The following TENM2 variants were observed in gnomAD, a reference collection of about 807,000 sequenced individuals.
TENM2 encodes the protein teneurin-2.
TENM2 carries 52 observed loss-of-function variants against 245.2 expected under a neutral mutation model. The observed-to-expected ratio is 0.21, with a 90% confidence interval of 0.17 to 0.27. The LOEUF is 0.27. Ranked by LOEUF, TENM2 falls within the 10% of genes least tolerant of loss-of-function variation. TENM2 has a pLI of 1.00. For missense variants in TENM2, 3,046 were observed against 3,666.8 expected, an observed-to-expected ratio of 0.83 and a Z score of 4.37; for synonymous variants, 1,363 against 1,438.9, an observed-to-expected ratio of 0.95 and a Z score of 1.19.
the TENM2 span, among the ~76,000 whole-genome samples, chr5:167,184,079 CTCAAAAGAACAGATTACTTGGTGTTT>C: frequency 6.6e-6 from 1 of 152,174 alleles, no homozygotes; most frequent in Admixed American, 6.5e-5. Context: ...ACAAAATTCA[CTCAAAAGAACAGATTACTTGGTGTTT>C]TCAAAGAGAA....
chr5:167,422,018 C>G (rs564870335), intron 2 of TENM2, among the ~76,000 whole-genome samples: 1 of 152,280 alleles, frequency 6.6e-6, no homozygotes, highest in Admixed American at 6.5e-5. Context: ...TCTTGAACTC[C>G]TGACCTTGTG....
the TENM2 span, among the ~76,000 whole-genome samples, chr5:167,033,469 T>C: frequency 6.6e-6 from 1 of 152,200 alleles, no homozygotes; most frequent in Non-Finnish European, 1.5e-5. Flanking sequence ...TCTTCCTTAG[T>C]TATGAAGTTA....
intron 2 of TENM2, among the ~76,000 whole-genome samples, chr5:167,746,299 A>G (rs1215304131): frequency 6.6e-6 from 1 of 152,180 alleles, no homozygotes; most frequent in Admixed American, 6.6e-5. Flanking sequence ...GGAGGTTTGC[A>G]AATCCACCCT....
intron 3 of TENM2, among the ~76,000 whole-genome samples, chr5:167,896,761 C>T (rs1170086770): frequency 6.6e-6 from 1 of 152,162 alleles, no homozygotes; most frequent in Non-Finnish European, 1.5e-5. Flanking sequence ...TTATCAACCT[C>T]GCAATACCTT....
At chr5:167,934,565 T>A (rs1778545345) in intron 3 of TENM2, among the ~76,000 whole-genome samples, 1 of 152,192 alleles carries the variant, frequency 6.6e-6, no homozygotes, top group African/African-American at 2.4e-5. Context: ...TAGCCACTGA[T>A]GTAACACGAT....
At chr5:167,530,097 A>G (rs1771391456) in intron 2 of TENM2, among the ~76,000 whole-genome samples, 1 of 152,230 alleles carries the variant, frequency 6.6e-6, no homozygotes, top group South Asian at 2.1e-4. Context: ...AACTGCTACC[A>G]ATCCACAATA....
At chr5:167,847,847 A>G (rs970131332) in intron 2 of TENM2, among the ~76,000 whole-genome samples, 2 of 152,244 alleles carry the variant, frequency 1.3e-5, no homozygotes, top group Non-Finnish European at 2.9e-5. Flanking sequence ...ATAAAACTCC[A>G]AAGCCTTTTT....
At chr5:167,886,689 A>G (rs867524997) in intron 3 of TENM2, among the ~76,000 whole-genome samples, 1 of 152,242 alleles carries the variant, frequency 6.6e-6, no homozygotes, top group East Asian at 1.9e-4. Context: ...TGAACGTTAT[A>G]GAACGATTTA....
chr5:167,533,807 A>G (rs1392765068), intron 2 of TENM2, among the ~76,000 whole-genome samples: 1 of 152,138 alleles, frequency 6.6e-6, no homozygotes, highest in African/African-American at 2.4e-5. Flanking sequence ...CAGGGGATGC[A>G]ACAGAAATGG....
chr5:167,319,008 G>A (rs574963816), intron 1 of TENM2, among the ~76,000 whole-genome samples: 33 of 152,102 alleles, frequency 2.2e-4, no homozygotes, highest in African/African-American at 6.7e-4. Flanking sequence ...TGTCATTCGA[G>A]GCTTTCTTTT....
At chr5:166,984,331 G>A in the TENM2 span, among the ~76,000 whole-genome samples, 2 of 152,000 alleles carry the variant, frequency 1.3e-5, no homozygotes, top group East Asian at 1.9e-4. Context: ...ATAATATACC[G>A]ATTCTAAATC....
At chr5:167,407,207 G>A (rs1762680202) in intron 2 of TENM2, among the ~76,000 whole-genome samples, 1 of 152,060 alleles carries the variant, frequency 6.6e-6, no homozygotes, top group African/African-American at 2.4e-5. Flanking sequence ...TAGAGCTATA[G>A]GGACTTTGTG....
chr5:168,258,996 A>T (rs1210577012), intron 27 of TENM2, among the ~76,000 whole-genome samples: 1 of 151,886 alleles, frequency 6.6e-6, no homozygotes, highest in Non-Finnish European at 1.5e-5. Context: ...CAGCCTGGCT[A>T]ACATGGCAAA....
intron 27 of TENM2, among the ~76,000 whole-genome samples, chr5:168,255,687 C>A (rs1336872812): frequency 8.5e-5 from 13 of 152,206 alleles, no homozygotes; most frequent in Admixed American, 7.9e-4. Context: ...ATCAAGTACT[C>A]TAATTTAATT....
chr5:167,933,558 T>G (rs969048051), intron 3 of TENM2, among the ~76,000 whole-genome samples: 3 of 152,176 alleles, frequency 2.0e-5, no homozygotes, highest in Non-Finnish European at 2.9e-5. Context: ...TTGGAATTAT[T>G]ATATCCACAC....
intron 4 of TENM2, among the ~76,000 whole-genome samples, chr5:167,956,575 T>G (rs1453349630): frequency 1.3e-5 from 2 of 152,230 alleles, no homozygotes; most frequent in African/African-American, 4.8e-5. Context: ...TGCTTCCAGC[T>G]TTTGGCCATT....
chr5:168,128,094 T>C lies in TENM2; in HGVS notation c.2422+1128T>C, dbSNP rs191047977. 5.3e-5 allele frequency among the ~76,000 whole-genome samples: 8 copies of C among 152,330 alleles called. No individual in the cohort carries two copies. The East Asian group carries it at 1.5e-3, about 29-fold the overall frequency. On this transcript the variant is annotated intron_variant, in intron 12 of 28. Transcript: ENST00000518659. ...AAGTGGACTGACTCTGTATTCGATT[T>C]CTTCCGGTTCCATCTGATTGGGCAT...
intron 2 of TENM2, among the ~76,000 whole-genome samples, chr5:167,807,379 G>A (rs1766284558): frequency 6.6e-6 from 1 of 151,956 alleles, no homozygotes; most frequent in East Asian, 1.9e-4. Context: ...GCCTAAGGAT[G>A]GGGCCATTCA....
chr5:168,123,134 A>AGG (rs35598987), intron 10 of TENM2, among the ~76,000 whole-genome samples: 1 of 140,652 alleles, frequency 7.1e-6, no homozygotes, highest in Non-Finnish European at 1.6e-5. Flanking sequence ...CCATTTCTAG[A>AGG]GAAAAAAAAA....
Sources: gnomAD v4.1 joint callset for allele counts (sites outside exome capture counted in the v4.1 genomes callset) on GRCh38, gnomAD v4.1.1 for gene constraint, MANE v1.5 for transcripts, NCBI Gene and HGNC (gene_info 2026-07-23, HGNC 2026-07-21) for gene names.